NPC1: variants seen among roughly 807,000 people sequenced by gnomAD.
NPC1 encodes NPC intracellular cholesterol transporter 1.
Under a neutral mutation model 140.4 loss-of-function variants are expected in NPC1, and 85 were observed. The ratio of observed to expected loss-of-function variants is 0.61; its 90% CI spans 0.51 to 0.72. The LOEUF is 0.72. Among genes scored for constraint, NPC1 ranks in the 30% least tolerant of loss-of-function variants. The pLI is 0.00. For missense variants in NPC1, 1,504 were observed against 1,623.8 expected, an observed-to-expected ratio of 0.93 and a Z score of 1.27; for synonymous variants, 656 against 624.8, an observed-to-expected ratio of 1.05 and a Z score of -0.74.
At chr18:23,560,778 T>C (rs576114600) in intron 5 of NPC1, among the ~76,000 whole-genome samples, 14 of 152,338 alleles carry the variant, frequency 9.2e-5, no homozygotes, top group African/African-American at 3.4e-4. Context: ...GCTAATACTA[T>C]AGCAGAGCTC....
chr18:23,560,568 G>A, intron 5 of NPC1, 88 bp from the exon 6 acceptor site: 3 of 1,331,644 alleles, frequency 2.3e-6, no homozygotes, highest in African/African-American at 2.9e-5. Flanking sequence ...AAAGCCCACT[G>A]AAATACATAA....
chr18:23,531,813 T>A lies in NPC1; in HGVS notation c.*389A>T. ...TAAAGTGTATCTACAACCTCAACTG[T>A]CACTAAAAATATGGTATAGAACTTG... On this transcript the variant is annotated 3_prime_UTR_variant, in exon 25 of 25. Coordinates refer to ENST00000269228, the MANE Select transcript of NPC1 (RefSeq NM_000271.5). The A allele has an allele frequency of 6.6e-7, 1 of 1,506,648 alleles. No homozygotes were observed. The allele number at this position is 1,506,648 out of a possible 1,614,324, so 93.3% of individuals were successfully genotyped here. A position where few individuals can be genotyped will look rare whatever the true frequency, so the allele number is the denominator to read the frequency against.
At chr18:23,576,582 C>T in intron 1 of NPC1, 2 of 741,304 alleles carry the variant, frequency 2.7e-6, no homozygotes, top group Non-Finnish European at 3.3e-6. Context: ...AAGAATGAAG[C>T]CGCGGACCCT....
downstream of NPC1, chr18:23,519,038 G>C (rs779323321): frequency 4.3e-6 from 7 of 1,612,918 alleles, no homozygotes; most frequent in East Asian, 6.7e-5. Context: ...ACTGCAGCTT[G>C]TTGATCTGTT....
Position 23,573,554 on chromosome 18 carries a change from A to G in NPC1, c.78T>C (p.Val26=), listed in dbSNP as rs763356397. 2 of 1,614,134 alleles carry G rather than the reference A, an allele frequency of 1.2e-6. No homozygotes were observed. The highest frequency in any genetic ancestry group is 1.7e-6 in the Non-Finnish European group (2 of 1,180,002). Residue 26 remains valine, a synonymous_variant, in exon 2 of 25, where the codon GTT becomes GTC. Coordinates refer to ENST00000269228, the MANE Select transcript of NPC1 (RefSeq NM_000271.5). ...ATGCAATTCCACACTCTCCATACCA[A>G]ACACAGGACTGTGAAAACACCTACA... is the stretch of plus-strand genomic sequence containing the variant. The part of the protein sequence containing the change: ...CPAQVFSQSC[V]WYGECGIAYG...
downstream of NPC1, chr18:23,519,023 T>C: frequency 3.1e-6 from 5 of 1,613,326 alleles, no homozygotes; most frequent in Non-Finnish European, 4.2e-6. Context: ...GATTTTAAAA[T>C]GTGAACTGCA....
downstream of NPC1, chr18:23,527,836 ACT>A: frequency 6.2e-7 from 1 of 1,614,058 alleles, no homozygotes; most frequent in Non-Finnish European, 8.5e-7. Flanking sequence ...CGTGATAGCC[ACT>A]GTTTTTGATA....
intron 6 of NPC1, 54 bp from the exon 7 acceptor site, chr18:23,557,244 G>C (rs1197304581): frequency 7.4e-7 from 1 of 1,359,888 alleles, no homozygotes; most frequent in African/African-American, 1.4e-5. Context: ...CAGTGAGGTT[G>C]TTTTTGGGAC....
chr18:23,534,937 C>T (rs1372029510), intron 22 of NPC1, among the ~76,000 whole-genome samples: 1 of 152,168 alleles, frequency 6.6e-6, no homozygotes. Flanking sequence ...GTTCTATTTT[C>T]CATGAATACC....
At position 23,573,324 on chromosome 18, in the gene NPC1, G is replaced by A. The variant is rs1599010996; in HGVS notation, c.180+128C>T. 111 of 1,318,712 alleles carry A rather than the reference G, an allele frequency of 8.4e-5. 5 individuals are homozygous for A. In the South Asian group the frequency reaches 1.3e-3, roughly 15 times the overall value. 81.7% of individuals were successfully genotyped at this position (1,318,712 alleles called of 1,614,324 possible). Reference sequence around the variant, plus strand: ...GTATGCCACAGGTTAGAGTTTGAGAGTCCGGGATAAGACTTAAGCCTGTTA... The same window carrying A: ...GTATGCCACAGGTTAGAGTTTGAGAATCCGGGATAAGACTTAAGCCTGTTA... On this transcript the variant is annotated intron_variant, in intron 2 of 24. Transcript: ENST00000269228.
rs772427096 is a variant in NPC1, at chr18:23,548,092, G to A, written c.1671C>T (p.Asn557=). The stretch of plus-strand genomic sequence containing the variant: ...GGAAGGTAATCACAAGGGCAGTGGC[G>A]TTATTGTAGTTTTGATCTAGAAAGG... ...LGGYDDQNYN[N]ATALVITFPV... Residue 557 remains asparagine (N), a synonymous_variant, in exon 11 of 25, where the codon AAC becomes AAT. Transcript: ENST00000269228. 1.5e-5 allele frequency: 24 copies of A among 1,606,988 alleles called. No homozygotes were observed. The highest frequency in any genetic ancestry group is 1.1e-4 in the African/African-American group (8 of 74,768).
intron 1 of NPC1, among the ~76,000 whole-genome samples, chr18:23,575,356 A>C (rs1265548672): frequency 1.3e-5 from 2 of 152,180 alleles, no homozygotes; most frequent in East Asian, 3.9e-4. Context: ...GTGGGTGAGA[A>C]GGCGGCACGG....
intron 12 of NPC1, 56 bp from the exon 13 acceptor site, chr18:23,544,582 T>C (rs1202484749): frequency 3.3e-6 from 5 of 1,530,574 alleles, no homozygotes; most frequent in Middle Eastern, 1.8e-4. Flanking sequence ...CTGTCCCACT[T>C]GTTACTAAAA....
chr18:23,550,707 C>T (rs1045604407), intron 10 of NPC1, among the ~76,000 whole-genome samples: 20 of 151,834 alleles, frequency 1.3e-4, no homozygotes, highest in African/African-American at 4.1e-4. Context: ...AGGATGGTCT[C>T]GATCTCCTGA....
intron 24 of NPC1, chr18:23,533,113 G>T: frequency 1.6e-6 from 1 of 611,562 alleles, no homozygotes; most frequent in Non-Finnish European, 2.6e-6. Flanking sequence ...AGGCCTTTGT[G>T]AAGCAGACAG....
Position 23,509,590 on chromosome 18 carries a change from G to A in NPC1, c.432-2948C>T, listed in dbSNP as rs192770559. ...TATTTTATTTTTGAGACGGAGTTTC[G>A]CTCTTGTTGCCCAGGCTGGTGGAGT... On this transcript the variant is annotated intron_variant, in intron 3 of 3. Coordinates refer to the NPC1 transcript ENST00000591107. 502 of 153,960 alleles carry A rather than the reference G, an allele frequency of 3.3e-3. 4 individuals carry two copies. Among genetic ancestry groups the A allele is most frequent in the African/African-American group, 0.011 (476 of 41,442 alleles). 9.5% of individuals were successfully genotyped at this position (153,960 alleles called of 1,614,324 possible). A position where few individuals can be genotyped will look rare whatever the true frequency, so the allele number is the denominator to read the frequency against.
In NPC1 at chr18:23,534,561, T is replaced by C; in HGVS notation, c.3478-2A>G. On this transcript the variant is annotated splice_acceptor_variant, in intron 22 of 24. Transcript: ENST00000269228. LOFTEE classifies it high-confidence loss of function. ...GAACTCCACGGAGATGCCACAGCTCTGAAATAAAGCACTTCCTTTAGGATG... is the reference window on the plus strand; with the variant it reads ...GAACTCCACGGAGATGCCACAGCTCCGAAATAAAGCACTTCCTTTAGGATG... 6.2e-7 allele frequency: 1 copy of C among 1,611,332 alleles called. No individual in the cohort carries two copies. The highest frequency in any genetic ancestry group is 2.2e-5 in the East Asian group (1 of 44,862).
chr18:23,570,894 G>A (rs528462716), intron 3 of NPC1, among the ~76,000 whole-genome samples: 1 of 152,308 alleles, frequency 6.6e-6, no homozygotes, highest in South Asian at 2.1e-4. Flanking sequence ...CGGCTCTACT[G>A]AGGACCTGAC....
At chr18:23,573,303 G>A in intron 2 of NPC1, 149 bp downstream of exon 2, 1 of 1,091,016 alleles carries the variant, frequency 9.2e-7, no homozygotes, top group South Asian at 1.3e-5. Flanking sequence ...TGCACTGTAT[G>A]CCACAGGTTA....
Sources: allele counts gnomAD v4.1 joint callset (sites outside exome capture counted in the v4.1 genomes callset), GRCh38; gene constraint gnomAD v4.1.1; transcripts MANE v1.5; gene names NCBI Gene and HGNC (gene_info 2026-07-23, HGNC 2026-07-21).